The following PPFIA2 variants were observed in gnomAD, a reference collection of about 807,000 sequenced individuals.
The protein encoded by PPFIA2 is liprin-alpha-2.
In PPFIA2, 46 loss-of-function variants were observed where a neutral mutation model predicts 175.5. The ratio of observed to expected loss-of-function variants is 0.26; its 90% CI spans 0.21 to 0.34. The LOEUF is 0.34. Among genes scored for constraint, PPFIA2 ranks in the 10% least tolerant of loss-of-function variants. The pLI, the probability that PPFIA2 is intolerant of heterozygous loss-of-function variation, is 1.00. For synonymous variants in PPFIA2, 568 were observed against 511.4 expected (o/e 1.11, Z -1.49); for missense variants, 1,179 against 1,506.1 (o/e 0.78, Z 3.60).
chr12:81,611,689 G>A (rs2060927344), intron 4 of PPFIA2, among the ~76,000 whole-genome samples: 1 of 152,144 alleles, frequency 6.6e-6, no homozygotes, highest in South Asian at 2.1e-4. Context: ...TGGCTCAGAA[G>A]TCAGCTGGGG....
intron 8 of PPFIA2, among the ~76,000 whole-genome samples, chr12:81,395,574 T>C (rs780994407): frequency 9.9e-5 from 15 of 151,878 alleles, no homozygotes; most frequent in South Asian, 2.1e-4. Context: ...CTCTGGAATT[T>C]CCTTATCTGA....
intron 4 of PPFIA2, among the ~76,000 whole-genome samples, chr12:81,552,698 T>A (rs1022262847): frequency 1.3e-5 from 2 of 152,014 alleles, no homozygotes; most frequent in Admixed American, 1.3e-4. Context: ...AATAAACAAC[T>A]CAGTTCAATT....
In PPFIA2 at chr12:81,335,743, A is replaced by AC. The variant is rs1483261761; in HGVS notation, c.2548+3436_2548+3437insG. Among the ~76,000 whole-genome samples, 19 of 106,714 alleles carry AC rather than the reference A, an allele frequency of 1.8e-4. 1 individual carries two copies. The highest frequency in any genetic ancestry group is 1.3e-4 in the Non-Finnish European group (7 of 52,188). The allele number at this position is 106,714 out of a possible 152,430, so 70.0% of individuals were successfully genotyped here. On this transcript the variant is annotated intron_variant, in intron 21 of 32. Transcript: ENST00000549396. ...GGGTGACAGAGTGAAATTCTGTCTA[A>AC]AAACAACAACAACAACAACAACAAC...
At chr12:81,711,194 C>A (rs982888954) in intron 3 of PPFIA2, among the ~76,000 whole-genome samples, 13 of 151,236 alleles carry the variant, frequency 8.6e-5, no homozygotes, top group Non-Finnish European at 1.5e-5. Context: ...CACCACTGCA[C>A]TCTGCCCTGG....
intron 4 of PPFIA2, among the ~76,000 whole-genome samples, chr12:81,522,107 A>G (rs975632001): frequency 6.6e-6 from 1 of 152,204 alleles, no homozygotes; most frequent in Non-Finnish European, 1.5e-5. Context: ...TAGATGTGAA[A>G]GAAGCAAAAA....
At chr12:81,305,586 A>G (rs2048939866) in intron 22 of PPFIA2, among the ~76,000 whole-genome samples, 1 of 152,066 alleles carries the variant, frequency 6.6e-6, no homozygotes, top group African/African-American at 2.4e-5. Flanking sequence ...CTTTCTCTCC[A>G]TTTGGAATGG....
At chr12:81,332,369 GC>G (rs986580978) in intron 21 of PPFIA2, among the ~76,000 whole-genome samples, 2 of 151,994 alleles carry the variant, frequency 1.3e-5, no homozygotes, top group Non-Finnish European at 2.9e-5. Flanking sequence ...TCTCTCTGGA[GC>G]TTGCTGTTTA....
intron 4 of PPFIA2, among the ~76,000 whole-genome samples, chr12:81,483,676 T>A (rs547829522): frequency 6.6e-6 from 1 of 152,050 alleles, no homozygotes; most frequent in South Asian, 2.1e-4. Context: ...AATTTTATGC[T>A]ATTTTTTTTT....
chr12:81,344,243 T>A (rs2058658086), intron 19 of PPFIA2, among the ~76,000 whole-genome samples: 1 of 151,994 alleles, frequency 6.6e-6, no homozygotes, highest in Non-Finnish European at 1.5e-5. Context: ...ACAAGCTATC[T>A]TTTTTTGACA....
intron 4 of PPFIA2, among the ~76,000 whole-genome samples, chr12:81,581,609 T>C (rs766909229): frequency 1.3e-5 from 2 of 151,846 alleles, no homozygotes; most frequent in Non-Finnish European, 2.9e-5. Flanking sequence ...TATTTTGCTA[T>C]TATCTATTTT....
In PPFIA2 at chr12:81,584,488, C is replaced by T. The variant is rs115129239; in HGVS notation, c.303+92303G>A. 7.5e-3 allele frequency among the ~76,000 whole-genome samples: 1,140 copies of T among 151,674 alleles called. 10 individuals carry two copies. Among genetic ancestry groups the T allele is most frequent in the African/African-American group, 0.026 (1,078 of 41,418 alleles). On this transcript the variant is annotated intron_variant, in intron 4 of 32. Transcript: ENST00000549396. ...TAATGTGCCAAAGAAGACAGAAGTA[C>T]AGGATAAAGTATGCTACAGTTATAC...
At chr12:81,629,981 C>A (rs1010983425) in intron 4 of PPFIA2, among the ~76,000 whole-genome samples, 2 of 152,128 alleles carry the variant, frequency 1.3e-5, no homozygotes, top group Non-Finnish European at 1.5e-5. Flanking sequence ...AATGCAATCA[C>A]AAAGTTTCTT....
At chr12:81,723,053 G>C (rs1363737344) in intron 3 of PPFIA2, among the ~76,000 whole-genome samples, 1 of 150,982 alleles carries the variant, frequency 6.6e-6, no homozygotes, top group Admixed American at 6.6e-5. Context: ...GATCTGCCTA[G>C]CTTCAATTTA....
chr12:81,316,981 AAAAGAAAATAGC>A (rs2052515531), intron 22 of PPFIA2, among the ~76,000 whole-genome samples: 1 of 151,684 alleles, frequency 6.6e-6, no homozygotes. Context: ...CTTGATGCAT[AAAAGAAAATAGC>A]AGTTTTTACA....
chr12:81,725,752 T>A (rs1215072553), intron 3 of PPFIA2, among the ~76,000 whole-genome samples: 1 of 150,732 alleles, frequency 6.6e-6, no homozygotes, highest in South Asian at 2.1e-4. Flanking sequence ...ACCCTTTGAA[T>A]AATCTAATCA....
chr12:81,471,144 T>TTTAC lies in PPFIA2; in HGVS notation c.304-13279_304-13278insGTAA, dbSNP rs1555408816. On this transcript the variant is annotated intron_variant, in intron 4 of 32. Coordinates refer to ENST00000549396, the MANE Select transcript of PPFIA2 (RefSeq NM_003625.5). ...ATTTATTTATTTATTTATTTATTTA[T>TTTAC]TTATTTATTTGAGACAGAGTCGTGC... 24 of 149,600 alleles carry TTTAC rather than the reference T, an allele frequency of 1.6e-4. 1 individual carries two copies. The East Asian group carries it at 3.7e-3, about 23-fold the overall frequency. The allele number at this position is 149,600 out of a possible 1,614,324, so 9.3% of individuals were successfully genotyped here. A position where few individuals can be genotyped will look rare whatever the true frequency, so the allele number is the denominator to read the frequency against.
At chr12:81,294,755 G>C (rs749318525) in intron 24 of PPFIA2, 80 bp downstream of exon 24, 2 of 1,315,978 alleles carry the variant, frequency 1.5e-6, no homozygotes, top group Admixed American at 1.9e-5. Flanking sequence ...AATGTGTGCT[G>C]TCACAATTTT....
intron 3 of PPFIA2, chr12:81,687,404 C>T (rs1404683178): frequency 6.6e-6 from 1 of 152,040 alleles, no homozygotes; most frequent in African/African-American, 2.4e-5. Flanking sequence ...TAGAAAGCCA[C>T]CCCTACCTTG....
intron 27 of PPFIA2, among the ~76,000 whole-genome samples, chr12:81,278,979 C>A (rs1307004267): frequency 1.3e-5 from 2 of 152,076 alleles, no homozygotes; most frequent in Non-Finnish European, 2.9e-5. Context: ...TTGCATTAGG[C>A]AGGTGTTGTG....
Sources: allele counts gnomAD v4.1 joint callset (sites outside exome capture counted in the v4.1 genomes callset), GRCh38; gene constraint gnomAD v4.1.1; transcripts MANE v1.5; gene names NCBI Gene and HGNC (gene_info 2026-07-23, HGNC 2026-07-21).